EXOC2: variants seen among roughly 807,000 people sequenced by gnomAD.
EXOC2 encodes exocyst complex component 2.
A neutral mutation model predicts 131.8 loss-of-function variants in EXOC2; 70 were observed. The observed-to-expected ratio is 0.53, with a 90% CI of 0.44 to 0.65. The LOEUF (loss-of-function observed/expected upper bound fraction) is 0.65, where lower values mean the gene tolerates loss of function less well. Among genes scored for constraint, EXOC2 ranks in the 30% least tolerant of loss-of-function variants. The pLI is 0.00. For missense variants in EXOC2, 923 were observed against 1,108.6 expected, an observed-to-expected ratio of 0.83 and a Z score of 2.38; for synonymous variants, 411 against 398.4, an observed-to-expected ratio of 1.03 and a Z score of -0.38.
At chr6:555,419 GTATGAA>G (rs1757367055) in intron 19 of EXOC2, 131 bp from the exon 20 acceptor site, 1 of 498,444 alleles carries the variant, frequency 2.0e-6, no homozygotes, top group East Asian at 3.0e-5. Context: ...TTGTGTGCAT[GTATGAA>G]TATGTGTATA....
intron 1 of EXOC2, among the ~76,000 whole-genome samples, chr6:655,101 C>T (rs1236109578): frequency 6.6e-6 from 1 of 152,156 alleles, no homozygotes; most frequent in Non-Finnish European, 1.5e-5. Flanking sequence ...CCCAAAGCAT[C>T]CCATGCTAAA....
intron 25 of EXOC2, among the ~76,000 whole-genome samples, chr6:496,372 C>CA (rs1243969422): frequency 1.3e-5 from 2 of 152,184 alleles, no homozygotes; most frequent in African/African-American, 4.8e-5. Context: ...TTTGTTTTAG[C>CA]AAGCAGTTAA....
chr6:556,213 C>T (rs1305797683), intron 18 of EXOC2, among the ~76,000 whole-genome samples, 200 bp from the exon 19 acceptor site: 1 of 152,164 alleles, frequency 6.6e-6, no homozygotes, highest in Non-Finnish European at 1.5e-5. Flanking sequence ...ACAACGCAGT[C>T]CTGGGCTGAT....
At chr6:613,242 A>C (rs951251621) in intron 6 of EXOC2, among the ~76,000 whole-genome samples, 9 of 152,236 alleles carry the variant, frequency 5.9e-5, no homozygotes, top group African/African-American at 1.9e-4. Flanking sequence ...GTGTTATGCC[A>C]GACACACTTC....
intron 23 of EXOC2, among the ~76,000 whole-genome samples, chr6:530,654 C>A (rs894530746): frequency 6.6e-6 from 1 of 152,184 alleles, no homozygotes; most frequent in African/African-American, 2.4e-5. Flanking sequence ...GCACGAAGCA[C>A]CCAGCCTGCC....
At chr6:512,609 C>G (rs534112281) in intron 23 of EXOC2, among the ~76,000 whole-genome samples, 2 of 152,318 alleles carry the variant, frequency 1.3e-5, no homozygotes, top group African/African-American at 4.8e-5. Flanking sequence ...GGCACCCCAA[C>G]TATCTGTCGT....
rs1763673461 is a variant in EXOC2 at position 667,585 on chromosome 6, A to G, written c.-44+25434T>C. ...AAAGGCAAATTCTCTCCTTTTTGGAACTGGGACACCCATCTTTTCCTGCTC... is the reference window on the plus strand; with the variant it reads ...AAAGGCAAATTCTCTCCTTTTTGGAGCTGGGACACCCATCTTTTCCTGCTC... On this transcript the variant is annotated intron_variant, in intron 1 of 27. Coordinates refer to ENST00000230449, the MANE Select transcript of EXOC2 (RefSeq NM_018303.6). 2.1e-5 allele frequency among the ~76,000 whole-genome samples: 2 copies of G among 97,284 alleles called. 1 individual carries two copies. Among genetic ancestry groups the G allele is most frequent in the Non-Finnish European group, 4.9e-5 (2 of 41,024 alleles). The allele number at this position is 97,284 out of a possible 152,430, so 63.8% of individuals were successfully genotyped here.
chr6:552,490 A>G (rs1757200213), intron 21 of EXOC2, among the ~76,000 whole-genome samples: 6 of 152,166 alleles, frequency 3.9e-5, no homozygotes, highest in Admixed American at 3.9e-4. Context: ...TGGTGTTCTT[A>G]TCTACTCCCA....
intron 23 of EXOC2, among the ~76,000 whole-genome samples, chr6:503,039 T>C (rs375386231): frequency 2.6e-5 from 4 of 152,234 alleles, no homozygotes; most frequent in African/African-American, 9.6e-5. Flanking sequence ...GCTGCCATCA[T>C]AACCTCCCAG....
chr6:658,668 T>TTATATATATATATATATA (rs1561983460), intron 1 of EXOC2, among the ~76,000 whole-genome samples: 2 of 128,036 alleles, frequency 1.6e-5, no homozygotes, highest in Non-Finnish European at 3.4e-5. Flanking sequence ...TATATATATT[T>TTATATATATATATATATA]TTTTTTTTTT....
chr6:527,862 T>C (rs1395069980), intron 23 of EXOC2, among the ~76,000 whole-genome samples: 1 of 151,066 alleles, frequency 6.6e-6, no homozygotes, highest in Admixed American at 6.6e-5. Context: ...TTATGACTTT[T>C]TGATAGAAAA....
chr6:575,446 C>T (rs889761576), intron 12 of EXOC2, among the ~76,000 whole-genome samples: 4 of 152,104 alleles, frequency 2.6e-5, no homozygotes, highest in Non-Finnish European at 5.9e-5. Flanking sequence ...GCATCTCCAT[C>T]CTCTCCCTCA....
intron 13 of EXOC2, among the ~76,000 whole-genome samples, chr6:568,433 C>T (rs982684074): frequency 6.6e-6 from 1 of 152,222 alleles, no homozygotes; most frequent in African/African-American, 2.4e-5. Context: ...CTGGAGCTTA[C>T]AGCATCGGCC....
intron 1 of EXOC2, among the ~76,000 whole-genome samples, chr6:643,090 AC>A (rs1324057229): frequency 6.6e-6 from 1 of 152,222 alleles, no homozygotes; most frequent in African/African-American, 2.4e-5. Context: ...AACTGTATAC[AC>A]CTAATACAAG....
chr6:662,116 C>T (rs1356530961), intron 1 of EXOC2, among the ~76,000 whole-genome samples: 1 of 152,126 alleles, frequency 6.6e-6, no homozygotes, highest in Non-Finnish European at 1.5e-5. Flanking sequence ...CAATCCTAAA[C>T]ATATATGCAC....
chr6:487,162 G>A (rs995910891), intron 27 of EXOC2, among the ~76,000 whole-genome samples: 1 of 152,158 alleles, frequency 6.6e-6, no homozygotes, highest in Non-Finnish European at 1.5e-5. Context: ...GCTACAGCAC[G>A]TGGCATGGCT....
intron 25 of EXOC2, among the ~76,000 whole-genome samples, chr6:495,237 T>C (rs1018323445): frequency 6.6e-6 from 1 of 151,842 alleles, no homozygotes; most frequent in African/African-American, 2.4e-5. Flanking sequence ...GCCATTCTCC[T>C]GCCTCAGCCT....
chr6:506,302 G>T lies in EXOC2; in HGVS notation c.2381-6602C>A, dbSNP rs779862689. ...AGGTATATCAGGATGGAGTGAACAC[G>T]TAAGTGTGCAGGGAAACCTAAGTTT... On this transcript the variant is annotated intron_variant, in intron 23 of 27. Coordinates refer to ENST00000230449, the MANE Select transcript of EXOC2 (RefSeq NM_018303.6). This position sits in a 1 kb window ranked among gnomAD's most constrained non-coding sequence, Gnocchi z 4.4. Among the ~76,000 whole-genome samples the T allele has an allele frequency of 2.6e-5, 4 of 152,212 alleles. No homozygotes were observed. The highest frequency in any genetic ancestry group is 5.9e-5 in the Non-Finnish European group (4 of 68,034).
intron 1 of EXOC2, among the ~76,000 whole-genome samples, chr6:642,064 C>T (rs936723816): frequency 6.6e-6 from 1 of 151,946 alleles, no homozygotes; most frequent in Non-Finnish European, 1.5e-5. Context: ...CTCTGACATT[C>T]CCCACATGAG....
Sources: allele counts gnomAD v4.1 joint callset (sites outside exome capture counted in the v4.1 genomes callset), GRCh38; gene constraint gnomAD v4.1.1; non-coding constraint Gnocchi (gnomAD v3.1); transcripts MANE v1.5; gene names NCBI Gene and HGNC (gene_info 2026-07-23, HGNC 2026-07-21).